The following ZKSCAN1 variants were observed in gnomAD, a reference collection of about 807,000 sequenced individuals.
The protein encoded by ZKSCAN1 is zinc finger protein with KRAB and SCAN domains 1.
In ZKSCAN1, 14 loss-of-function variants were observed where a neutral mutation model predicts 51.6. The observed-to-expected ratio is 0.27, with a 90% CI of 0.18 to 0.42. ZKSCAN1 has a LOEUF of 0.42. ZKSCAN1 is among the 10% of genes least tolerant of loss of function. ZKSCAN1 has a pLI of 1.00. For missense variants in ZKSCAN1, 531 were observed against 710.0 expected, an observed-to-expected ratio of 0.75 and a Z score of 2.86; for synonymous variants, 263 against 261.5, an observed-to-expected ratio of 1.01 and a Z score of -0.06.
chr7:100,028,737 T>G (rs1279430293), intron 3 of ZKSCAN1, among the ~76,000 whole-genome samples: 1 of 151,658 alleles, frequency 6.6e-6, no homozygotes, highest in Non-Finnish European at 1.5e-5. Flanking sequence ...TGCATGTCTT[T>G]TGTTGTGTGT....
chr7:100,025,174 T>C (rs1790770701), intron 3 of ZKSCAN1, among the ~76,000 whole-genome samples: 1 of 151,978 alleles, frequency 6.6e-6, no homozygotes, highest in Non-Finnish European at 1.5e-5. Flanking sequence ...CAGATGTCAT[T>C]ATTTTCAGCC....
rs1791345227 is a variant in ZKSCAN1 at position 100,035,977 on chromosome 7, C to T, written c.*1780C>T. On this transcript the variant is annotated 3_prime_UTR_variant, in exon 6 of 6. Transcript: ENST00000324306. ...ACCTCAAGACTATCAGTGTGACCTC[C>T]CCATAACAAGAGAACCCCATATATA... 1 of 985,300 alleles carries T rather than the reference C, an allele frequency of 1.0e-6. No individual in the cohort carries two copies. Among genetic ancestry groups the T allele is most frequent in the African/African-American group, 1.7e-5 (1 of 57,224 alleles). The allele number at this position is 985,300 out of a possible 1,614,324, so 61.0% of individuals were successfully genotyped here.
Position 100,038,077 on chromosome 7 carries a change from A to G in ZKSCAN1, c.*3880A>G, listed in dbSNP as rs1457998657. 1.0e-6 allele frequency: 1 copy of G among 985,008 alleles called. No homozygotes were observed. Among genetic ancestry groups the G allele is most frequent in the Non-Finnish European group, 1.2e-6 (1 of 829,808 alleles). The allele number at this position is 985,008 out of a possible 1,614,324, so 61.0% of individuals were successfully genotyped here. A position where few individuals can be genotyped will look rare whatever the true frequency, so the allele number is the denominator to read the frequency against. On this transcript the variant is annotated 3_prime_UTR_variant, in exon 6 of 6. Transcript: ENST00000324306. Reference sequence around the variant, plus strand: ...CTTAACTGCAGAGGATCTACAGATGAAAAAAAATGTGGGGAAATGCTTTAA... The same window carrying G: ...CTTAACTGCAGAGGATCTACAGATGGAAAAAAATGTGGGGAAATGCTTTAA...
chr7:100,024,621 T>G (rs1345272105), intron 3 of ZKSCAN1: 1 of 266,268 alleles, frequency 3.8e-6, no homozygotes, highest in African/African-American at 2.3e-5. Context: ...AGAATTAGGC[T>G]CGGCACGGTA....
In ZKSCAN1 at chr7:100,033,203, C is replaced by A; in HGVS notation, c.800-102C>A. The stretch of plus-strand genomic sequence containing the variant: ...AATAAAAATAAAAATATTGCAAAGT[C>A]ATTTTGCAGCCGTGTAGAAGCTTCT... On this transcript the variant is annotated intron_variant, in intron 5 of 5. Coordinates refer to ENST00000324306, the MANE Select transcript of ZKSCAN1 (RefSeq NM_003439.4). This position sits in a 1 kb window ranked among gnomAD's most constrained non-coding sequence, Gnocchi z 4.1. 2 of 1,452,378 alleles carry A rather than the reference C, an allele frequency of 1.4e-6. No homozygotes were observed. Among genetic ancestry groups the A allele is most frequent in the East Asian group, 2.5e-5 (1 of 40,152 alleles). 90.0% of individuals were successfully genotyped at this position (1,452,378 alleles called of 1,614,324 possible).
In ZKSCAN1 at chr7:100,036,151, C is replaced by T; in HGVS notation, c.*1954C>T. 9.1e-6 allele frequency: 9 copies of T among 985,404 alleles called. No homozygotes were observed. The highest frequency in any genetic ancestry group is 1.1e-5 in the Non-Finnish European group (9 of 829,910). The allele number at this position is 985,404 out of a possible 1,614,324, so 61.0% of individuals were successfully genotyped here. A position where few individuals can be genotyped will look rare whatever the true frequency, so the allele number is the denominator to read the frequency against. ...CTGCACAGTGGTCATTCTTTGGCCTCTCCTTGGCTTTATGACTTAAACCAA... is the reference window on the plus strand; with the variant it reads ...CTGCACAGTGGTCATTCTTTGGCCTTTCCTTGGCTTTATGACTTAAACCAA... On this transcript the variant is annotated 3_prime_UTR_variant, in exon 6 of 6. Transcript: ENST00000324306.
chr7:100,030,086 C>T (rs764594928), intron 4 of ZKSCAN1, 134 bp downstream of exon 4: 12 of 1,381,722 alleles, frequency 8.7e-6, no homozygotes, highest in Non-Finnish European at 1.1e-5. Context: ...CTCCTTTTAG[C>T]ATCTTTCTAC....
chr7:100,024,139 C>T lies in ZKSCAN1; in HGVS notation c.427-15C>T, dbSNP rs1277170083. ...CAAAGTGATTTACCCACAAGCCCAA[C>T]CTGTCTGTCTTCAGGTCCCAGGTCA... On this transcript the variant is annotated splice_polypyrimidine_tract_variant and intron_variant, in intron 2 of 5. Transcript: ENST00000324306. The T allele has an allele frequency of 6.2e-7, 1 of 1,602,754 alleles. No homozygotes were observed. The highest frequency in any genetic ancestry group is 8.5e-7 in the Non-Finnish European group (1 of 1,174,556).
At chr7:100,032,692 G>A (rs1347634978) in intron 5 of ZKSCAN1, among the ~76,000 whole-genome samples, 1 of 151,962 alleles carries the variant, frequency 6.6e-6, no homozygotes, top group Non-Finnish European at 1.5e-5. Context: ...GAAACCCCGT[G>A]TCTACTAAAA....
rs374547741 is a variant in ZKSCAN1, at chr7:100,023,535, C to T, written c.29C>T (p.Thr10Met). 5.6e-6 allele frequency: 9 copies of T among 1,612,238 alleles called. No homozygotes were observed. Among genetic ancestry groups the T allele is most frequent in the East Asian group, 2.2e-5 (1 of 44,896 alleles). The change falls in exon 2 of 6, where the codon ACG becomes ATG. Residue 10 changes from threonine to methionine, a missense_variant. Thr to Met is a moderately conservative substitution (Grantham distance 81). Coordinates refer to ENST00000324306, the MANE Select transcript of ZKSCAN1 (RefSeq NM_003439.4). MMTAESREA[T>M]GLSPQAAQEK... ...ATGACTGCTGAATCACGGGAAGCCACGGGTCTGTCCCCACAGGCTGCACAG... is the reference window on the plus strand; with the variant it reads ...ATGACTGCTGAATCACGGGAAGCCATGGGTCTGTCCCCACAGGCTGCACAG...
chr7:100,028,337 C>A (rs1333742320), intron 3 of ZKSCAN1, among the ~76,000 whole-genome samples: 1 of 151,014 alleles, frequency 6.6e-6, no homozygotes, highest in Non-Finnish European at 1.5e-5. Flanking sequence ...GGTGATAGAG[C>A]GAGACTCCAT....
In ZKSCAN1 at chr7:100,033,634, C is replaced by T; in HGVS notation, c.1129C>T (p.His377Tyr). The T allele has an allele frequency of 1.2e-6, 2 of 1,614,202 alleles. No homozygotes were observed. The highest frequency in any genetic ancestry group is 1.7e-6 in the Non-Finnish European group (2 of 1,180,040). Residue 377 changes from histidine to tyrosine, a missense_variant, in exon 6 of 6, where the codon CAC becomes TAC. By Grantham distance (83) the His-to-Tyr change is moderately conservative. This residue lies in a region of ZKSCAN1 where 403 missense variants were observed against 490.5 expected (regional missense o/e 0.82). Transcript: ENST00000324306. The surrounding 1 kb of genome is among the most constrained non-coding windows in gnomAD (Gnocchi z 4.1). ...PEEVPTGTKS[H>Y]RCDECGKCFT... ...AGAAGTTCCCACGGGAACAAAGTCT[C>T]ACAGATGTGATGAATGTGGTAAATG...
chr7:100,028,084 G>A (rs753246550), intron 3 of ZKSCAN1, among the ~76,000 whole-genome samples: 9 of 152,174 alleles, frequency 5.9e-5, no homozygotes, highest in Non-Finnish European at 1.3e-4. Flanking sequence ...GCTGGGCGCA[G>A]TGACTCACGC....
At chr7:100,021,226 T>G (rs1013548240) in intron 1 of ZKSCAN1, among the ~76,000 whole-genome samples, 2 of 149,050 alleles carry the variant, frequency 1.3e-5, no homozygotes, top group Admixed American at 1.4e-4. Flanking sequence ...GTTCAAGCGA[T>G]TCTCCTGCCT....
At position 100,023,842 on chromosome 7, in the gene ZKSCAN1, C is replaced by G; in HGVS notation, c.336C>G (p.Leu112=). The G allele has an allele frequency of 6.2e-7, 1 of 1,614,074 alleles. No individual in the cohort carries two copies. Among genetic ancestry groups the G allele is most frequent in the Non-Finnish European group, 8.5e-7 (1 of 1,180,042 alleles). ...TTCTTTCCATCCTGCCCAAGGAGCT[C>G]CAGGTCTGGCTGCAGGAATACCGCC... ...EQFLSILPKE[L]QVWLQEYRPD... is the part of the protein sequence containing the mutation. The change falls in exon 2 of 6, where the codon CTC becomes CTG. Residue 112 remains leucine (L), a synonymous_variant. Transcript: ENST00000324306.
Position 100,034,610 on chromosome 7 carries a change from T to G in ZKSCAN1, c.*413T>G. On this transcript the variant is annotated 3_prime_UTR_variant, in exon 6 of 6. Coordinates refer to ENST00000324306, the MANE Select transcript of ZKSCAN1 (RefSeq NM_003439.4). The stretch of plus-strand genomic sequence containing the variant: ...CTACTTGCTGCAAACAAGCCCTACT[T>G]TGGCCAACATCCTGCTTATTTCTCA... 1 of 977,918 alleles carries G rather than the reference T, an allele frequency of 1.0e-6. No individual in the cohort carries two copies. The highest frequency in any genetic ancestry group is 1.2e-6 in the Non-Finnish European group (1 of 820,638). 60.6% of individuals were successfully genotyped at this position (977,918 alleles called of 1,614,324 possible).
rs373709542 is a variant in ZKSCAN1, at chr7:100,038,144, G to A, written c.*3947G>A. The A allele has an allele frequency of 2.8e-5, 28 of 985,180 alleles. No homozygotes were observed. The Admixed American group carries it at 8.0e-4, about 28-fold the overall frequency. 61.0% of individuals were successfully genotyped at this position (985,180 alleles called of 1,614,324 possible). A position where few individuals can be genotyped will look rare whatever the true frequency, so the allele number is the denominator to read the frequency against. ...GCAACTTCTTACAAAAATTGTTAACGTTAGGTACTTCTATATATTTTATAT... is the reference window on the plus strand; with the variant it reads ...GCAACTTCTTACAAAAATTGTTAACATTAGGTACTTCTATATATTTTATAT... On this transcript the variant is annotated 3_prime_UTR_variant, in exon 6 of 6. Coordinates refer to ENST00000324306, the MANE Select transcript of ZKSCAN1 (RefSeq NM_003439.4).
chr7:100,040,860 T>G lies in ZKSCAN1; in HGVS notation c.*6663T>G. 1.0e-6 allele frequency: 1 copy of G among 985,302 alleles called. No individual in the cohort carries two copies. Among genetic ancestry groups the G allele is most frequent in the East Asian group, 1.1e-4 (1 of 8,804 alleles). The allele number at this position is 985,302 out of a possible 1,614,324, so 61.0% of individuals were successfully genotyped here. A position where few individuals can be genotyped will look rare whatever the true frequency, so the allele number is the denominator to read the frequency against. ...AGGACAAAGCATGTTAGATTAGAGA[T>G]GCTTCTGCTGATCGCAGGGGTTCTT... On this transcript the variant is annotated 3_prime_UTR_variant, in exon 6 of 6. Coordinates refer to ENST00000324306, the MANE Select transcript of ZKSCAN1 (RefSeq NM_003439.4).
In ZKSCAN1 at chr7:100,036,797, G is replaced by A; in HGVS notation, c.*2600G>A. The A allele has an allele frequency of 1.0e-6, 1 of 982,632 alleles. No homozygotes were observed. The highest frequency in any genetic ancestry group is 1.2e-6 in the Non-Finnish European group (1 of 829,512). The allele number at this position is 982,632 out of a possible 1,614,324, so 60.9% of individuals were successfully genotyped here. On this transcript the variant is annotated 3_prime_UTR_variant, in exon 6 of 6. Coordinates refer to ENST00000324306, the MANE Select transcript of ZKSCAN1 (RefSeq NM_003439.4). Reference sequence around the variant, plus strand: ...CGACCCAAGCACTTATTTTTTAAGAGGGAAAGGACTTTGGTCATGTTTACA... The same window carrying A: ...CGACCCAAGCACTTATTTTTTAAGAAGGAAAGGACTTTGGTCATGTTTACA...
Sources: gnomAD v4.1 joint callset for allele counts (sites outside exome capture counted in the v4.1 genomes callset) on GRCh38, gnomAD v4.1.1 for gene constraint, gnomAD v4.1.1 regional missense constraint, Gnocchi (gnomAD v3.1) non-coding constraint, MANE v1.5 for transcripts, NCBI Gene and HGNC (gene_info 2026-07-23, HGNC 2026-07-21) for gene names.